EVI5: variants seen among roughly 807,000 people sequenced by gnomAD.
The protein encoded by EVI5 is ecotropic viral integration site 5 protein homolog.
Under a neutral mutation model 112.0 loss-of-function variants are expected in EVI5, and 73 were observed. The ratio of observed to expected loss-of-function variants is 0.65; its 90% CI spans 0.54 to 0.79. The LOEUF is 0.79. Ranked by LOEUF, EVI5 falls within the 30% of genes least tolerant of loss-of-function variation. The pLI, the probability that EVI5 is intolerant of heterozygous loss-of-function variation, is 0.00. For missense variants in EVI5, 900 were observed against 968.8 expected, an observed-to-expected ratio of 0.93 and a Z score of 0.94; for synonymous variants, 305 against 319.9, an observed-to-expected ratio of 0.95 and a Z score of 0.50.
At chr1:92,519,945 A>C (rs149434047) in intron 19 of EVI5, among the ~76,000 whole-genome samples, 1 of 151,602 alleles carries the variant, frequency 6.6e-6, no homozygotes, top group Non-Finnish European at 1.5e-5. Context: ...AAGACACAAG[A>C]GACAATATAT....
At chr1:92,523,895 G>A (rs1338955097) in intron 19 of EVI5, among the ~76,000 whole-genome samples, 1 of 152,032 alleles carries the variant, frequency 6.6e-6, no homozygotes, top group African/African-American at 2.4e-5. Context: ...AGACCAGCCT[G>A]GCCAACATGG....
chr1:92,523,473 A>G (rs746165430), intron 19 of EVI5, among the ~76,000 whole-genome samples: 14 of 152,142 alleles, frequency 9.2e-5, no homozygotes, highest in Non-Finnish European at 1.8e-4. Flanking sequence ...AATCAAATTC[A>G]GTCCTTCAGA....
At chr1:92,744,596 TCTCTCACACACACACACACACA>T (rs1166096274) in intron 1 of EVI5, among the ~76,000 whole-genome samples, 3 of 25,470 alleles carry the variant, frequency 1.2e-4, no homozygotes, top group African/African-American at 1.8e-4. Flanking sequence ...TCTCTCTCTC[TCTCTCACACACACACACACACA>T]CACACACACA....
intron 19 of EVI5, among the ~76,000 whole-genome samples, chr1:92,560,205 A>C (rs75911573): frequency 0.07 from 10,596 of 152,322 alleles, 480 homozygotes; most frequent in Non-Finnish European, 0.1. Context: ...AAGGAAAATT[A>C]CACAGTGATG....
At chr1:92,678,896 G>C (rs987935590) in intron 9 of EVI5, among the ~76,000 whole-genome samples, 13 of 152,130 alleles carry the variant, frequency 8.5e-5, no homozygotes, top group African/African-American at 3.1e-4. Context: ...GGTTTAGAAA[G>C]CTTGAGAAAC....
intron 2 of EVI5, among the ~76,000 whole-genome samples, chr1:92,725,986 A>G (rs1215693303): frequency 6.6e-6 from 1 of 152,214 alleles, no homozygotes; most frequent in Non-Finnish European, 1.5e-5. Flanking sequence ...GATTAATAGC[A>G]ACTTAGATAT....
chr1:92,573,831 T>A (rs1469697769), intron 18 of EVI5, among the ~76,000 whole-genome samples: 2 of 152,052 alleles, frequency 1.3e-5, no homozygotes, highest in Non-Finnish European at 2.9e-5. Flanking sequence ...ATAAAATATT[T>A]AGGATCTGAG....
At chr1:92,592,481 T>C (rs1483238275) in intron 18 of EVI5, among the ~76,000 whole-genome samples, 1 of 152,052 alleles carries the variant, frequency 6.6e-6, no homozygotes, top group Non-Finnish European at 1.5e-5. Flanking sequence ...AGATCTAAAA[T>C]TGACACCCTA....
intron 2 of EVI5, among the ~76,000 whole-genome samples, chr1:92,726,131 G>A (rs1490047196): frequency 6.6e-6 from 1 of 152,136 alleles, no homozygotes; most frequent in Non-Finnish European, 1.5e-5. Flanking sequence ...AGGCAAGAAA[G>A]GGACAAAAAA....
intron 9 of EVI5, among the ~76,000 whole-genome samples, chr1:92,678,031 A>G (rs1667017830): frequency 6.6e-6 from 1 of 152,182 alleles, no homozygotes; most frequent in South Asian, 2.1e-4. Context: ...GATGGGAACA[A>G]CAGATACTGA....
In EVI5 at chr1:92,769,326, T is replaced by C. The variant is rs184573347; in HGVS notation, c.-82+15510A>G. On this transcript the variant is annotated intron_variant, in intron 1 of 19. Coordinates refer to ENST00000684568, the MANE Select transcript of EVI5 (RefSeq NM_001350197.2). Reference sequence around the variant, plus strand: ...TCAAGATTTCTTTTCTAATAATACATATGACATTTAGGTATATATGTAATG... The same window carrying C: ...TCAAGATTTCTTTTCTAATAATACACATGACATTTAGGTATATATGTAATG... Among the ~76,000 whole-genome samples, 7 of 152,350 alleles carry C rather than the reference T, an allele frequency of 4.6e-5. No individual in the cohort carries two copies. In the East Asian group the frequency reaches 1.3e-3, roughly 29 times the overall value.
rs755618652 is a variant in EVI5 at position 92,513,899 on chromosome 1, A to G, written c.2238T>C (p.His746=). The G allele has an allele frequency of 1.9e-6, 3 of 1,608,378 alleles. No individual in the cohort carries two copies. The highest frequency in any genetic ancestry group is 2.6e-6 in the Non-Finnish European group (3 of 1,176,132). The change falls in exon 20 of 20, where the codon CAT becomes CAC. Residue 746 remains histidine (H), a synonymous_variant. Coordinates refer to ENST00000684568, the MANE Select transcript of EVI5 (RefSeq NM_001350197.2). The part of the protein sequence containing the change: ...PPFDGIHIVN[H]LIGDDESFHS... ...GGAATGATTCATCATCTCCTATTAA[A>G]TGGTTGACAATGTGGATTCCATCAA...
At chr1:92,543,830 G>A (rs1388718457) in intron 19 of EVI5, among the ~76,000 whole-genome samples, 1 of 152,138 alleles carries the variant, frequency 6.6e-6, no homozygotes, top group African/African-American at 2.4e-5. Context: ...CACGCTGTTG[G>A]AAAAACGGCA....
chr1:92,603,177 A>G (rs1366590584), intron 18 of EVI5, among the ~76,000 whole-genome samples: 1 of 152,262 alleles, frequency 6.6e-6, no homozygotes. Flanking sequence ...GATGGTACTT[A>G]TAAAAACAAC....
chr1:92,517,309 A>G (rs1264715190), intron 19 of EVI5, among the ~76,000 whole-genome samples: 1 of 152,190 alleles, frequency 6.6e-6, no homozygotes, highest in Non-Finnish European at 1.5e-5. Flanking sequence ...AGTATATGGG[A>G]GGATGTCTGT....
At chr1:92,744,440 T>A (rs1678932978) in intron 1 of EVI5, among the ~76,000 whole-genome samples, 1 of 152,198 alleles carries the variant, frequency 6.6e-6, no homozygotes, top group Admixed American at 6.5e-5. Context: ...TATTACTCCT[T>A]ACACTGCTAT....
At chr1:92,600,950 C>T (rs901531114) in intron 18 of EVI5, among the ~76,000 whole-genome samples, 5 of 151,970 alleles carry the variant, frequency 3.3e-5, no homozygotes, top group African/African-American at 4.8e-5. Context: ...CACACATCCA[C>T]GACTGATAAA....
intron 15 of EVI5, 157 bp downstream of exon 15, chr1:92,625,637 A>T: frequency 1.8e-6 from 1 of 568,672 alleles, no homozygotes; most frequent in Non-Finnish European, 3.2e-6. Context: ...GCTTAAGTGC[A>T]CTTTCAGTTT....
intron 1 of EVI5, 118 bp from the exon 2 acceptor site, chr1:92,736,745 G>A: frequency 1.3e-6 from 1 of 743,948 alleles, no homozygotes; most frequent in Non-Finnish European, 2.3e-6. Context: ...CTTTGAGGAA[G>A]TAAAGGTAAA....
Sources: allele counts gnomAD v4.1 joint callset (sites outside exome capture counted in the v4.1 genomes callset), GRCh38; gene constraint gnomAD v4.1.1; transcripts MANE v1.5; gene names NCBI Gene and HGNC (gene_info 2026-07-23, HGNC 2026-07-21).